The following MYO18A variants were observed in gnomAD, a reference collection of about 807,000 sequenced individuals.
MYO18A encodes unconventional myosin-XVIIIa.
Under a neutral mutation model 235.8 loss-of-function variants are expected in MYO18A, and 78 were observed. That is an observed-to-expected ratio of 0.33 (90% CI 0.28 to 0.40). The LOEUF (loss-of-function observed/expected upper bound fraction) is 0.40, where lower values mean the gene tolerates loss of function less well. Among genes scored for constraint, MYO18A ranks in the 10% least tolerant of loss-of-function variants. The probability of loss-of-function intolerance (pLI) is 1.00; values close to 1 mark genes in which losing one functional copy is unlikely to be tolerated. For missense variants in MYO18A, 2,215 were observed against 2,699.3 expected, an observed-to-expected ratio of 0.82 and a Z score of 3.98; for synonymous variants, 977 against 1,077.8, an observed-to-expected ratio of 0.91 and a Z score of 1.83.
At chr17:29,094,225 C>T (rs1013844650) in intron 30 of MYO18A, 135 bp from the exon 31 acceptor site, 9 of 658,678 alleles carry the variant, frequency 1.4e-5, no homozygotes, top group African/African-American at 1.1e-4. Flanking sequence ...ACCTTGCTCC[C>T]GTGGCAGCAG....
Position 29,125,855 on chromosome 17 carries a change from G to T in MYO18A, c.1000-3602C>A. On this transcript the variant is annotated intron_variant, in intron 2 of 41. Coordinates refer to ENST00000527372, the MANE Select transcript of MYO18A (RefSeq NM_078471.4). The surrounding 1 kb of genome is among the most constrained non-coding windows in gnomAD (Gnocchi z 5.1). ...CTGCCGCCAGCCTCAGGAAGAGGGC[G>T]GCCAGGGACTGGGACCCACACACAA... 1.0e-6 allele frequency: 1 copy of T among 971,580 alleles called. No individual in the cohort carries two copies. 60.2% of individuals were successfully genotyped at this position (971,580 alleles called of 1,614,324 possible).
At chr17:29,098,785 C>G in intron 23 of MYO18A, 41 bp downstream of exon 23, 1 of 1,610,364 alleles carries the variant, frequency 6.2e-7, no homozygotes, top group Non-Finnish European at 8.5e-7. Context: ...AGCAAGGCTT[C>G]CCCCTACCCA....
intron 28 of MYO18A, among the ~76,000 whole-genome samples, chr17:29,096,190 T>C (rs2066514571): frequency 6.6e-6 from 1 of 152,160 alleles, no homozygotes; most frequent in Non-Finnish European, 1.5e-5. Context: ...AAATGGGCAC[T>C]GTTCCCGCTC....
chr17:29,081,645 G>C (rs2066127112), intron 41 of MYO18A, among the ~76,000 whole-genome samples: 1 of 151,358 alleles, frequency 6.6e-6, no homozygotes, highest in African/African-American at 2.4e-5. Flanking sequence ...TGGGGGGTGA[G>C]GGGGGAGCGA....
rs185833996 is a variant in MYO18A at position 29,099,538 on chromosome 17, G to T, written c.3636+96C>A. 101 of 1,468,056 alleles carry T rather than the reference G, an allele frequency of 6.9e-5. No individual in the cohort carries two copies. In the East Asian group the frequency reaches 2.2e-3, roughly 33 times the overall value. 90.9% of individuals were successfully genotyped at this position (1,468,056 alleles called of 1,614,324 possible). ...TGGCCCAGGACATGGTGCCCTGGGA[G>T]GTTCCTGCCTCTTCTCCCCCTTATA... is the stretch of plus-strand genomic sequence containing the variant. On this transcript the variant is annotated intron_variant, in intron 22 of 41. Transcript: ENST00000527372.
At chr17:29,133,161 C>T (rs760253081) in intron 2 of MYO18A, among the ~76,000 whole-genome samples, 6 of 152,220 alleles carry the variant, frequency 3.9e-5, no homozygotes, top group South Asian at 2.1e-4. Flanking sequence ...TTGGGGAAAA[C>T]ACTGGGTGCC....
chr17:29,094,906 A>T, intron 29 of MYO18A, 30 bp downstream of exon 29: 1 of 1,612,746 alleles, frequency 6.2e-7, no homozygotes, highest in Non-Finnish European at 8.5e-7. Flanking sequence ...TGAGGGGGAC[A>T]GGGCACAGAT....
At chr17:29,127,088 T>C (rs1054189805) in intron 2 of MYO18A, among the ~76,000 whole-genome samples, 1 of 152,224 alleles carries the variant, frequency 6.6e-6, no homozygotes, top group African/African-American at 2.4e-5. Context: ...AGGGACCGGC[T>C]TGGAGCATTA....
chr17:29,079,752 C>T, intron 41 of MYO18A: 2 of 986,084 alleles, frequency 2.0e-6, no homozygotes, highest in Non-Finnish European at 2.4e-6. Flanking sequence ...CGGGCCGGTA[C>T]AGGTACCGCA....
Position 29,074,139 on chromosome 17 carries a change from C to T in MYO18A, c.*631G>A, listed in dbSNP as rs1242235984. Reference sequence around the variant, plus strand: ...AGAACCTGGACCCGGCTCTCCTCACCAGCGTCTCCAGCTGCACAGAGAAAG... The same window carrying T: ...AGAACCTGGACCCGGCTCTCCTCACTAGCGTCTCCAGCTGCACAGAGAAAG... On this transcript the variant is annotated 3_prime_UTR_variant, in exon 42 of 42. Transcript: ENST00000527372. The surrounding 1 kb of genome is among the most constrained non-coding windows in gnomAD (Gnocchi z 4.4). The T allele has an allele frequency of 6.2e-7, 1 of 1,613,782 alleles. No individual in the cohort carries two copies. The highest frequency in any genetic ancestry group is 1.3e-5 in the African/African-American group (1 of 74,894).
Position 29,074,479 on chromosome 17 carries a change from C to T in MYO18A, c.*291G>A. On this transcript the variant is annotated 3_prime_UTR_variant, in exon 42 of 42. Transcript: ENST00000527372. This position sits in a 1 kb window ranked among gnomAD's most constrained non-coding sequence, Gnocchi z 4.4. ...GTCAACGTGCTGGCTCCATGCAGTG[C>T]CAGGCCACCTGCCACTGCCCACGGT... 1 of 577,444 alleles carries T rather than the reference C, an allele frequency of 1.7e-6. No individual in the cohort carries two copies. Among genetic ancestry groups the T allele is most frequent in the Non-Finnish European group, 3.2e-6 (1 of 316,986 alleles). The allele number at this position is 577,444 out of a possible 1,614,324, so 35.8% of individuals were successfully genotyped here. A position where few individuals can be genotyped will look rare whatever the true frequency, so the allele number is the denominator to read the frequency against.
chr17:29,094,646 G>A lies in MYO18A; in HGVS notation c.4710+4C>T, dbSNP rs781452020. On this transcript the variant is annotated splice_donor_region_variant and intron_variant, in intron 30 of 41. Transcript: ENST00000527372. Reference sequence around the variant, plus strand: ...ACCTCTCCCTTGGCCAAGCCCTCCTGTACCTGTTCCAGCATCTGGATGGTC... The same window carrying A: ...ACCTCTCCCTTGGCCAAGCCCTCCTATACCTGTTCCAGCATCTGGATGGTC... The A allele has an allele frequency of 2.5e-5, 40 of 1,613,908 alleles. No homozygotes were observed. The African/African-American group carries it at 4.4e-4, about 18-fold the overall frequency.
At chr17:29,177,942 A>G (rs780204577) in intron 1 of MYO18A, among the ~76,000 whole-genome samples, 1 of 152,196 alleles carries the variant, frequency 6.6e-6, no homozygotes, top group African/African-American at 2.4e-5. Context: ...GCAAGTCCAG[A>G]TGAAGGCTTC....
At chr17:29,131,486 A>T in intron 2 of MYO18A, 1 of 948,642 alleles carries the variant, frequency 1.1e-6, no homozygotes, top group Non-Finnish European at 1.3e-6. Context: ...CAAGGCTGGG[A>T]GACCCAGCAC....
In MYO18A at chr17:29,086,591, G is replaced by T. The variant is rs1255517353; in HGVS notation, c.5713-14C>A. The T allele has an allele frequency of 1.2e-6, 2 of 1,611,582 alleles. No homozygotes were observed. Among genetic ancestry groups the T allele is most frequent in the Non-Finnish European group, 1.7e-6 (2 of 1,178,922 alleles). On this transcript the variant is annotated splice_polypyrimidine_tract_variant and intron_variant, in intron 38 of 41. Coordinates refer to ENST00000527372, the MANE Select transcript of MYO18A (RefSeq NM_078471.4). ...TAGATCCATCTCCTAGGAGGAAGGGGGCAGCCCAGTTTGCAGGAGGGCTAG... is the reference window on the plus strand; with the variant it reads ...TAGATCCATCTCCTAGGAGGAAGGGTGCAGCCCAGTTTGCAGGAGGGCTAG...
intron 14 of MYO18A, 139 bp from the exon 15 acceptor site, chr17:29,114,236 A>C (rs1376014624): frequency 1.1e-5 from 7 of 633,920 alleles, no homozygotes; most frequent in East Asian, 8.4e-5. Context: ...CCATCATCCC[A>C]AATGAAACAG....
Position 29,122,396 on chromosome 17 carries a change from G to A in MYO18A, c.1000-143C>T, listed in dbSNP as rs971861729. The A allele has an allele frequency of 4.4e-5, 33 of 751,886 alleles. No homozygotes were observed. The South Asian group carries it at 5.5e-4, about 13-fold the overall frequency. 46.6% of individuals were successfully genotyped at this position (751,886 alleles called of 1,614,324 possible). Reference sequence around the variant, plus strand: ...AGTTAGGTGACAGACACAGAACACAGGGACATCAGAGGTGTCTGGGAAAGA... The same window carrying A: ...AGTTAGGTGACAGACACAGAACACAAGGACATCAGAGGTGTCTGGGAAAGA... On this transcript the variant is annotated intron_variant, in intron 2 of 41. Coordinates refer to ENST00000527372, the MANE Select transcript of MYO18A (RefSeq NM_078471.4).
At position 29,073,674 on chromosome 17, in the gene MYO18A, G is replaced by C. The variant is rs927098474; in HGVS notation, c.*1096C>G. 1 of 672,184 alleles carries C rather than the reference G, an allele frequency of 1.5e-6. No individual in the cohort carries two copies. The highest frequency in any genetic ancestry group is 2.5e-6 in the Non-Finnish European group (1 of 401,822). 41.6% of individuals were successfully genotyped at this position (672,184 alleles called of 1,614,324 possible). ...CTCCCAAGTCTGGTGGAGTTCTCAG[G>C]GATAACCTTTTTAGGGTGGGGGCTG... On this transcript the variant is annotated 3_prime_UTR_variant, in exon 42 of 42. Transcript: ENST00000527372.
Position 29,118,015 on chromosome 17 carries a change from G to A in MYO18A, c.2038+30C>T. The A allele has an allele frequency of 6.4e-7, 1 of 1,561,680 alleles. No individual in the cohort carries two copies. Among genetic ancestry groups the A allele is most frequent in the Non-Finnish European group, 8.7e-7 (1 of 1,153,394 alleles). On this transcript the variant is annotated intron_variant, in intron 10 of 41. Transcript: ENST00000527372. This position sits in a 1 kb window ranked among gnomAD's most constrained non-coding sequence, Gnocchi z 4.2. ...CCCTGTGAGGTCACCCAGGGGACAG[G>A]CCAGCCTACTGGGACCCACTGCAGG...
Sources: gnomAD v4.1 joint callset for allele counts (sites outside exome capture counted in the v4.1 genomes callset) on GRCh38, gnomAD v4.1.1 for gene constraint, Gnocchi (gnomAD v3.1) non-coding constraint, MANE v1.5 for transcripts, NCBI Gene and HGNC (gene_info 2026-07-23, HGNC 2026-07-21) for gene names.